The following SUMF1 variants were observed in gnomAD, a reference collection of about 807,000 sequenced individuals.
The protein encoded by SUMF1 is sulfatase modifying factor 1, also known as formylglycine-generating enzyme.
In SUMF1, 48 loss-of-function variants were observed where a neutral mutation model predicts 47.6. The ratio of observed to expected loss-of-function variants is 1.01; its 90% CI spans 0.80 to 1.28. SUMF1 has a LOEUF of 1.28. Among genes scored for constraint, SUMF1 ranks in the 50% most tolerant of loss-of-function variants. The pLI is 0.00. For missense variants in SUMF1, 571 were observed against 485.4 expected (o/e 1.18, Z -1.66); for synonymous variants, 230 against 192.1 (o/e 1.20, Z -1.63).
intron 8 of SUMF1, among the ~76,000 whole-genome samples, chr3:4,144,194 T>C (rs1694142611): frequency 1.3e-5 from 2 of 151,956 alleles, no homozygotes; most frequent in South Asian, 4.1e-4. Context: ...CTCAAACTCC[T>C]GGGCTCTAGC....
chr3:4,392,671 C>A (rs73809537), intron 7 of SUMF1, among the ~76,000 whole-genome samples: 11,382 of 141,232 alleles, frequency 0.081, 1,345 homozygotes, highest in African/African-American at 0.28. Context: ...AGAAAGAGAG[C>A]GAGAGAGAGA....
intron 1 of SUMF1, among the ~76,000 whole-genome samples, 199 bp from the exon 2 acceptor site, chr3:4,453,248 A>G (rs1338464276): frequency 6.6e-6 from 1 of 152,234 alleles, no homozygotes; most frequent in East Asian, 1.9e-4. Flanking sequence ...ATTCTTTAAG[A>G]AGGTAATCTC....
chr3:4,114,900 T>C (rs184730398), intron 8 of SUMF1, among the ~76,000 whole-genome samples: 1 of 152,206 alleles, frequency 6.6e-6, no homozygotes, highest in African/African-American at 2.4e-5. Context: ...CTAGTCCTTG[T>C]GATATGGGAA....
At chr3:4,428,103 C>T (rs367953852) in intron 3 of SUMF1, among the ~76,000 whole-genome samples, 21 of 151,824 alleles carry the variant, frequency 1.4e-4, no homozygotes, top group South Asian at 2.1e-4. Context: ...ACCATTTGAA[C>T]GAATACATCA....
At chr3:4,087,467 T>A (rs1176862174) in intron 8 of SUMF1, among the ~76,000 whole-genome samples, 3 of 152,192 alleles carry the variant, frequency 2.0e-5, no homozygotes, top group African/African-American at 7.2e-5. Context: ...GCAGTCAGTC[T>A]AACTTCAATG....
chr3:4,312,928 G>A (rs1698468393), intron 8 of SUMF1: 2 of 1,613,108 alleles, frequency 1.2e-6, no homozygotes, highest in South Asian at 1.1e-5. Flanking sequence ...TGGACCTGGA[G>A]CAGACATTGA....
chr3:4,187,550 A>T (rs1695226718), intron 8 of SUMF1, among the ~76,000 whole-genome samples: 1 of 152,178 alleles, frequency 6.6e-6, no homozygotes, highest in Admixed American at 6.5e-5. Flanking sequence ...GTGTTTAATG[A>T]ACAAATGAAC....
chr3:4,035,751 T>C lies in SUMF1; in HGVS notation c.1191+32818A>G, dbSNP rs180960967. Among the ~76,000 whole-genome samples, 17 of 152,244 alleles carry C rather than the reference T, an allele frequency of 1.1e-4. No homozygotes were observed. The East Asian group carries it at 3.3e-3, about 29-fold the overall frequency. On this transcript the variant is annotated intron_variant and NMD_transcript_variant, in intron 9 of 12. Coordinates refer to the SUMF1 transcript ENST00000448413. Reference sequence around the variant, plus strand: ...ATGTGCCCAATGGTGATAATAAATATTTTGTAGGGTTGTTGTGAGGATTCG... The same window carrying C: ...ATGTGCCCAATGGTGATAATAAATACTTTGTAGGGTTGTTGTGAGGATTCG...
At chr3:4,405,175 T>C (rs1007056231) in intron 7 of SUMF1, among the ~76,000 whole-genome samples, 15 of 152,298 alleles carry the variant, frequency 9.8e-5, no homozygotes, top group African/African-American at 3.1e-4. Context: ...TATCATGCAA[T>C]GGCAAAGAAG....
intron 8 of SUMF1, among the ~76,000 whole-genome samples, chr3:4,239,687 T>C (rs889359408): frequency 1.3e-5 from 2 of 152,214 alleles, no homozygotes; most frequent in African/African-American, 4.8e-5. Flanking sequence ...TGATGGGGTT[T>C]TGTAAATATA....
At chr3:4,344,701 T>C (rs1481229302) in intron 8 of SUMF1, among the ~76,000 whole-genome samples, 1 of 152,054 alleles carries the variant, frequency 6.6e-6, no homozygotes, top group African/African-American at 2.4e-5. Context: ...GAATTGACAG[T>C]AGGCTTCAAA....
At chr3:4,278,751 T>C (rs1697470792) in intron 8 of SUMF1, among the ~76,000 whole-genome samples, 1 of 152,156 alleles carries the variant, frequency 6.6e-6, no homozygotes, top group Non-Finnish European at 1.5e-5. Context: ...ATACATGGTA[T>C]TCTTTCAAAA....
At chr3:4,432,368 C>T (rs1179844572) in intron 3 of SUMF1, among the ~76,000 whole-genome samples, 2 of 152,058 alleles carry the variant, frequency 1.3e-5, no homozygotes, top group Non-Finnish European at 2.9e-5. Context: ...AGGACTATCA[C>T]AAAACCCCAT....
intron 8 of SUMF1, among the ~76,000 whole-genome samples, chr3:4,346,031 AT>A (rs1032875711): frequency 1.3e-5 from 2 of 151,746 alleles, no homozygotes; most frequent in African/African-American, 2.4e-5. Flanking sequence ...CATAAAACAA[AT>A]TTTTAGAGAT....
intron 3 of SUMF1, among the ~76,000 whole-genome samples, chr3:4,428,345 T>C (rs1306254514): frequency 6.6e-6 from 1 of 150,812 alleles, no homozygotes; most frequent in Non-Finnish European, 1.5e-5. Context: ...GTATATCTAA[T>C]GTTCTTCTTG....
chr3:4,332,444 T>G (rs1699068745), intron 8 of SUMF1, among the ~76,000 whole-genome samples: 1 of 152,214 alleles, frequency 6.6e-6, no homozygotes, highest in South Asian at 2.1e-4. Context: ...GTAACATCAT[T>G]TGCTCAAACC....
chr3:4,420,247 C>G, intron 3 of SUMF1, 101 bp from the exon 4 acceptor site: 1 of 844,892 alleles, frequency 1.2e-6, no homozygotes, highest in Non-Finnish European at 2.0e-6. Flanking sequence ...CTTCAACTTC[C>G]ATTTGGATTA....
intron 8 of SUMF1, among the ~76,000 whole-genome samples, chr3:4,143,043 C>T (rs556403432): frequency 3.9e-5 from 6 of 152,086 alleles, no homozygotes; most frequent in Admixed American, 6.5e-5. Context: ...GTAAGTGTCC[C>T]GCTGCAAAGA....
At chr3:4,374,097 C>G (rs1265630051) in intron 8 of SUMF1, among the ~76,000 whole-genome samples, 1 of 152,126 alleles carries the variant, frequency 6.6e-6, no homozygotes, top group Non-Finnish European at 1.5e-5. Context: ...TTTTGAAAAA[C>G]TGAATGTTTA....
Sources: allele counts gnomAD v4.1 joint callset (sites outside exome capture counted in the v4.1 genomes callset), GRCh38; gene constraint gnomAD v4.1.1; transcripts MANE v1.5; gene names NCBI Gene and HGNC (gene_info 2026-07-23, HGNC 2026-07-21).